ZNF516: variants seen among roughly 807,000 people sequenced by gnomAD.
ZNF516 encodes the protein zinc finger protein 516.
In ZNF516, 19 loss-of-function variants were observed where a neutral mutation model predicts 79.7. That is an observed-to-expected ratio of 0.24 (90% CI 0.17 to 0.35). The LOEUF (loss-of-function observed/expected upper bound fraction) is 0.35. Ranked by LOEUF, ZNF516 falls within the 10% of genes least tolerant of loss-of-function variation. The pLI, the probability that ZNF516 is intolerant of heterozygous loss-of-function variation, is 1.00. For missense variants in ZNF516, 1,678 were observed against 1,679.5 expected, an observed-to-expected ratio of 1.00 and a Z score of 0.02; for synonymous variants, 877 against 739.5, an observed-to-expected ratio of 1.19 and a Z score of -3.02.
chr18:76,456,447 T>C (rs1470269642), intron 2 of ZNF516, among the ~76,000 whole-genome samples: 2 of 152,184 alleles, frequency 1.3e-5, no homozygotes, highest in South Asian at 2.1e-4. Context: ...CATAAACTAG[T>C]GTGTTAAAAG....
At chr18:76,376,665 T>G (rs2074791796) in intron 4 of ZNF516, among the ~76,000 whole-genome samples, 1 of 152,184 alleles carries the variant, frequency 6.6e-6, no homozygotes, top group Non-Finnish European at 1.5e-5. Context: ...TAAAACTCAC[T>G]TCTACTTTCT....
At chr18:76,400,501 A>T (rs1255499749) in intron 3 of ZNF516, among the ~76,000 whole-genome samples, 1 of 152,176 alleles carries the variant, frequency 6.6e-6, no homozygotes, top group Non-Finnish European at 1.5e-5. Flanking sequence ...TCCCCATTAG[A>T]CATTCTTACT....
At chr18:76,483,895 C>T (rs1196135596) in intron 1 of ZNF516, among the ~76,000 whole-genome samples, 5 of 152,218 alleles carry the variant, frequency 3.3e-5, no homozygotes, top group Non-Finnish European at 7.3e-5. Context: ...CATGTGACAG[C>T]AGCCTCAGAC....
chr18:76,446,455 C>T (rs1912055600), intron 2 of ZNF516, among the ~76,000 whole-genome samples: 2 of 152,216 alleles, frequency 1.3e-5, no homozygotes, highest in Admixed American at 1.3e-4. Flanking sequence ...GGGCCATGAC[C>T]ACGGCTGAGC....
chr18:76,378,497 G>A (rs1345780668), intron 4 of ZNF516, among the ~76,000 whole-genome samples: 2 of 152,202 alleles, frequency 1.3e-5, no homozygotes, highest in Admixed American at 6.5e-5. Context: ...TGACAAACAC[G>A]TGAAGTGCAA....
chr18:76,437,262 G>A (rs9950041), intron 3 of ZNF516, among the ~76,000 whole-genome samples: 2,574 of 152,216 alleles, frequency 0.017, 87 homozygotes, highest in African/African-American at 0.059. Context: ...CTCCAAGCAC[G>A]TGCTCAGCAA....
rs542192239 is a variant in ZNF516, at chr18:76,428,348, G to A, written c.1810+12897C>T. On this transcript the variant is annotated intron_variant, in intron 3 of 6. Coordinates refer to ENST00000443185, the MANE Select transcript of ZNF516 (RefSeq NM_014643.4). ...ACAGAGGTTGCAGTGAGCCGAGATCGCACCACTGTACTCCACCCTAGACAA... is the reference window on the plus strand; with the variant it reads ...ACAGAGGTTGCAGTGAGCCGAGATCACACCACTGTACTCCACCCTAGACAA... Among the ~76,000 whole-genome samples the A allele has an allele frequency of 1.6e-3, 244 of 148,250 alleles. 1 individual carries two copies. Among genetic ancestry groups the A allele is most frequent in the African/African-American group, 5.8e-3 (231 of 39,976 alleles).
chr18:76,444,746 C>G (rs367857854), intron 2 of ZNF516, among the ~76,000 whole-genome samples: 17 of 152,332 alleles, frequency 1.1e-4, no homozygotes, highest in East Asian at 3.9e-4. Flanking sequence ...ATACCTCCCC[C>G]ACGGGGGTCG....
chr18:76,434,090 G>C (rs1299714480), intron 3 of ZNF516, among the ~76,000 whole-genome samples: 1 of 147,668 alleles, frequency 6.8e-6, no homozygotes, highest in Non-Finnish European at 1.5e-5. Flanking sequence ...GCTCGGAGTG[G>C]AATCAGACCT....
chr18:76,493,188 C>T lies in ZNF516; in HGVS notation c.-272+1956G>A. ...AAGTTAGCCATCTGCGCAGAGTTTG[C>T]CTTCTTTAAGGAGGGAGGCGTCAGA... is the stretch of plus-strand genomic sequence containing the variant. On this transcript the variant is annotated intron_variant, in intron 1 of 6. Coordinates refer to ENST00000443185, the MANE Select transcript of ZNF516 (RefSeq NM_014643.4). This position sits in a 1 kb window ranked among gnomAD's most constrained non-coding sequence, Gnocchi z 5.2. The T allele has an allele frequency of 1.0e-6, 1 of 985,052 alleles. No individual in the cohort carries two copies. The highest frequency in any genetic ancestry group is 1.2e-6 in the Non-Finnish European group (1 of 829,702). The allele number at this position is 985,052 out of a possible 1,614,324, so 61.0% of individuals were successfully genotyped here.
intron 3 of ZNF516, among the ~76,000 whole-genome samples, chr18:76,413,270 A>G (rs76967597): frequency 5.7e-4 from 87 of 152,372 alleles, no homozygotes; most frequent in African/African-American, 2.0e-3. Context: ...TTTAAGTAGA[A>G]TTTAGCAGTT....
At chr18:76,433,263 A>G (rs968310420) in intron 3 of ZNF516, among the ~76,000 whole-genome samples, 2 of 152,060 alleles carry the variant, frequency 1.3e-5, no homozygotes, top group Admixed American at 1.3e-4. Flanking sequence ...CGAATACAAC[A>G]TTTCTCCATG....
intron 1 of ZNF516, chr18:76,488,234 T>C (rs1914946858): frequency 2.0e-6 from 2 of 985,376 alleles, no homozygotes; most frequent in African/African-American, 1.7e-5. Flanking sequence ...AGGGGCCGCT[T>C]CCAAGGCCCT....
intron 1 of ZNF516, chr18:76,492,663 G>C: frequency 1.0e-6 from 1 of 955,992 alleles, no homozygotes; most frequent in Non-Finnish European, 1.2e-6. Context: ...CAGGGCGCGC[G>C]TGCCCAGGCA....
intron 1 of ZNF516, among the ~76,000 whole-genome samples, chr18:76,485,837 G>T (rs970006801): frequency 6.7e-5 from 10 of 149,360 alleles, no homozygotes; most frequent in African/African-American, 2.5e-4. Context: ...TATTAAATAG[G>T]ATTGTCCATT....
chr18:76,386,000 G>C (rs544659863), intron 3 of ZNF516: 1 of 152,368 alleles, frequency 6.6e-6, no homozygotes, highest in South Asian at 2.1e-4. Context: ...CTCTCTGCAA[G>C]ACACTTTTCT....
At chr18:76,383,155 C>T (rs2074922297) in intron 3 of ZNF516, among the ~76,000 whole-genome samples, 2 of 152,078 alleles carry the variant, frequency 1.3e-5, no homozygotes, top group African/African-American at 4.8e-5. Context: ...TCCCGAGCCA[C>T]CCCAGGAGGG....
chr18:76,367,804 G>A (rs2074639796), intron 6 of ZNF516, among the ~76,000 whole-genome samples: 1 of 152,100 alleles, frequency 6.6e-6, no homozygotes, highest in South Asian at 2.1e-4. Flanking sequence ...CGCAGTGGGT[G>A]GTCAATAAAT....
chr18:76,397,277 G>A (rs1010119571), intron 3 of ZNF516, among the ~76,000 whole-genome samples: 11 of 152,002 alleles, frequency 7.2e-5, no homozygotes, highest in African/African-American at 2.7e-4. Context: ...GCTGCCAATC[G>A]TCCAGCTCAG....
Sources: gnomAD v4.1 joint callset for allele counts (sites outside exome capture counted in the v4.1 genomes callset) on GRCh38, gnomAD v4.1.1 for gene constraint, Gnocchi (gnomAD v3.1) non-coding constraint, MANE v1.5 for transcripts, NCBI Gene and HGNC (gene_info 2026-07-23, HGNC 2026-07-21) for gene names.